The following NT5DC3 variants were observed in gnomAD, a reference collection of about 807,000 sequenced individuals.
NT5DC3 encodes 5'-nucleotidase domain-containing protein 3.
Under a neutral mutation model 67.8 loss-of-function variants are expected in NT5DC3, and 42 were observed. That is an observed-to-expected ratio of 0.62 (90% CI 0.48 to 0.80). The LOEUF is 0.80. NT5DC3 is among the 30% of genes least tolerant of loss of function. The pLI is 0.00. For synonymous variants in NT5DC3, 237 were observed against 255.6 expected, an observed-to-expected ratio of 0.93 and a Z score of 0.69; for missense variants, 570 against 696.4, an observed-to-expected ratio of 0.82 and a Z score of 2.04.
chr12:103,759,372 CAT>C, the NT5DC3 span: 1 of 1,487,010 alleles, frequency 6.7e-7, no homozygotes, highest in Non-Finnish European at 9.0e-7. Flanking sequence ...ATTATGCAAA[CAT>C]AAACTCTAAA....
In NT5DC3 at chr12:103,799,414, C is replaced by T. The variant is rs574732609; in HGVS notation, c.525-737G>A. Among the ~76,000 whole-genome samples, 192 of 152,268 alleles carry T rather than the reference C, an allele frequency of 1.3e-3. 2 individuals are homozygous for T. The highest frequency in any genetic ancestry group is 4.5e-3 in the African/African-American group (186 of 41,552). On this transcript the variant is annotated intron_variant, in intron 4 of 13. Transcript: ENST00000392876. ...TTCTCATGGCAGTGAATAAGTCTCA[C>T]GAAATCTGATGATTTTATTAGGAGT...
chr12:103,767,906 C>A (rs1159663471), downstream of NT5DC3, among the ~76,000 whole-genome samples: 7 of 151,420 alleles, frequency 4.6e-5, no homozygotes, highest in African/African-American at 1.5e-4. Context: ...CATGGTGAAA[C>A]CCCGTCTCTA....
downstream of NT5DC3, among the ~76,000 whole-genome samples, chr12:103,767,959 G>A (rs180930864): frequency 5.3e-5 from 8 of 151,690 alleles, no homozygotes; most frequent in African/African-American, 1.5e-4. Context: ...ATGGTAGCAC[G>A]GACCTGTAAT....
chr12:103,800,688 C>T (rs1481723516), intron 4 of NT5DC3, among the ~76,000 whole-genome samples: 1 of 152,242 alleles, frequency 6.6e-6, no homozygotes, highest in Non-Finnish European at 1.5e-5. Flanking sequence ...TGCCCGGCCA[C>T]ATCTGAATGC....
Position 103,777,485 on chromosome 12 carries a change from T to G in NT5DC3, c.*344A>C. The G allele has an allele frequency of 7.5e-6, 2 of 266,526 alleles. No homozygotes were observed. Among genetic ancestry groups the G allele is most frequent in the Non-Finnish European group, 7.1e-6 (1 of 140,474 alleles). 16.5% of individuals were successfully genotyped at this position (266,526 alleles called of 1,614,324 possible). A position where few individuals can be genotyped will look rare whatever the true frequency, so the allele number is the denominator to read the frequency against. ...GTTCAGGAAATGTTCCATGGAGGAGTCAAGAACCGTTTCAAGCTTGACCTG... is the reference window on the plus strand; with the variant it reads ...GTTCAGGAAATGTTCCATGGAGGAGGCAAGAACCGTTTCAAGCTTGACCTG... On this transcript the variant is annotated 3_prime_UTR_variant, in exon 14 of 14. Transcript: ENST00000392876.
At chr12:103,807,626 G>A (rs929172850) in intron 2 of NT5DC3, among the ~76,000 whole-genome samples, 4 of 152,156 alleles carry the variant, frequency 2.6e-5, no homozygotes, top group African/African-American at 4.8e-5. Flanking sequence ...CATGGATTAC[G>A]GTTACTATCC....
chr12:103,781,547 T>C (rs548164974), intron 12 of NT5DC3, among the ~76,000 whole-genome samples: 405 of 152,242 alleles, frequency 2.7e-3, no homozygotes, highest in Non-Finnish European at 4.2e-3. Context: ...ATCTCTCTCA[T>C]AGGAACAGCC....
intron 9 of NT5DC3, among the ~76,000 whole-genome samples, chr12:103,792,932 T>G (rs912674599): frequency 3.3e-5 from 5 of 152,246 alleles, no homozygotes; most frequent in Non-Finnish European, 7.3e-5. Flanking sequence ...CAAGCCTACC[T>G]CATGGGTCTG....
intron 1 of NT5DC3, among the ~76,000 whole-genome samples, chr12:103,821,652 C>A (rs1328512273): frequency 1.3e-5 from 2 of 152,158 alleles, no homozygotes; most frequent in Non-Finnish European, 2.9e-5. Flanking sequence ...CTGCTAGGAA[C>A]CTGGAAAAGA....
chr12:103,760,078 A>G, the NT5DC3 span, among the ~76,000 whole-genome samples: 5 of 152,344 alleles, frequency 3.3e-5, no homozygotes, highest in Admixed American at 3.3e-4. Flanking sequence ...CCATTTCGTC[A>G]TCTACTCCCA....
At chr12:103,767,993 C>T (rs1486006469), downstream of NT5DC3, among the ~76,000 whole-genome samples, 1 of 147,072 alleles carries the variant, frequency 6.8e-6, no homozygotes, top group African/African-American at 2.5e-5. Context: ...AAGGCTGAGG[C>T]AAGAGAATAG....
chr12:103,762,310 T>C, the NT5DC3 span: 1 of 1,614,248 alleles, frequency 6.2e-7, no homozygotes, highest in Non-Finnish European at 8.5e-7. Context: ...AGGGATCTTC[T>C]TTGCCATCAT....
At chr12:103,755,068 G>A in the NT5DC3 span, 1 of 522,808 alleles carries the variant, frequency 1.9e-6, no homozygotes, top group South Asian at 3.0e-5. Context: ...GAAGAGAAAT[G>A]AGTATGAAAG....
chr12:103,770,865 G>C (rs571030129), downstream of NT5DC3: 16 of 152,198 alleles, frequency 1.1e-4, no homozygotes, highest in African/African-American at 1.7e-4. Flanking sequence ...GCCTTTGGGA[G>C]GTGATTAAGG....
chr12:103,811,208 A>C (rs1055181770), intron 2 of NT5DC3, among the ~76,000 whole-genome samples: 9 of 150,796 alleles, frequency 6.0e-5, no homozygotes, highest in Admixed American at 6.0e-4. Context: ...ACACAAATAC[A>C]CACACAGAAT....
intron 1 of NT5DC3, 41 bp downstream of exon 1, chr12:103,840,908 A>T (rs1888391230): frequency 1.7e-6 from 2 of 1,209,812 alleles, no homozygotes; most frequent in Non-Finnish European, 1.1e-6. Flanking sequence ...AGCGCGCAGG[A>T]GGGGCCCCAG....
intron 1 of NT5DC3, among the ~76,000 whole-genome samples, chr12:103,833,719 G>GAAA (rs11462957): frequency 2.1e-5 from 3 of 143,124 alleles, no homozygotes; most frequent in Admixed American, 6.9e-5. Context: ...TAATTCTAAT[G>GAAA]AAAAAAAAAA....
chr12:103,781,278 T>A (rs1374394649), intron 12 of NT5DC3, among the ~76,000 whole-genome samples: 2 of 152,210 alleles, frequency 1.3e-5, no homozygotes, highest in Non-Finnish European at 2.9e-5. Flanking sequence ...CATCTGCTTT[T>A]GACATGGGAG....
intron 1 of NT5DC3, among the ~76,000 whole-genome samples, chr12:103,834,469 C>T (rs1032647465): frequency 3.3e-5 from 5 of 152,076 alleles, no homozygotes; most frequent in Admixed American, 2.0e-4. Context: ...CGAACAGACA[C>T]GACAACTAAA....
Sources: gnomAD v4.1 joint callset for allele counts (sites outside exome capture counted in the v4.1 genomes callset) on GRCh38, gnomAD v4.1.1 for gene constraint, MANE v1.5 for transcripts, NCBI Gene and HGNC (gene_info 2026-07-23, HGNC 2026-07-21) for gene names.